The following SMG6 variants were observed in gnomAD, a reference collection of about 807,000 sequenced individuals.
The protein encoded by SMG6 is SMG6 nonsense mediated mRNA decay factor.
A neutral mutation model predicts 142.2 loss-of-function variants in SMG6; 66 were observed. The ratio of observed to expected loss-of-function variants is 0.46; its 90% confidence interval spans 0.38 to 0.57. The LOEUF is 0.57. SMG6 is among the 20% of genes least tolerant of loss of function. The probability of loss-of-function intolerance (pLI) is 0.00; values close to 1 mark genes in which losing one functional copy is unlikely to be tolerated. For missense variants in SMG6, 1,793 were observed against 1,832.0 expected, an observed-to-expected ratio of 0.98 and a Z score of 0.39; for synonymous variants, 779 against 702.4, an observed-to-expected ratio of 1.11 and a Z score of -1.72.
chr17:2,122,721 C>T (rs2069742351), intron 13 of SMG6, among the ~76,000 whole-genome samples: 2 of 152,214 alleles, frequency 1.3e-5, no homozygotes, highest in South Asian at 4.1e-4. Flanking sequence ...GCCCCATATA[C>T]TGGCTTAAAA....
At chr17:2,172,306 A>AG (rs1023353164) in intron 13 of SMG6, among the ~76,000 whole-genome samples, 2 of 139,830 alleles carry the variant, frequency 1.4e-5, no homozygotes, top group Admixed American at 1.4e-4. Context: ...TTTGTGGCGG[A>AG]GGGGGGCGGG....
intron 9 of SMG6, among the ~76,000 whole-genome samples, chr17:2,238,960 C>A (rs1007083658): frequency 6.6e-6 from 1 of 150,622 alleles, no homozygotes; most frequent in Non-Finnish European, 1.5e-5. Context: ...TCATGCAAAA[C>A]CAGCCTTGTT....
rs557303525 is a variant in SMG6, at chr17:2,238,730, T to C, written c.2724-2093A>G. 4.6e-4 allele frequency among the ~76,000 whole-genome samples: 70 copies of C among 152,274 alleles called. 1 individual carries two copies. Among genetic ancestry groups the C allele is most frequent in the Middle Eastern group, 3.4e-3 (1 of 294 alleles). ...GGAAGCCTCTTCCCTGGAGTAGGAA[T>C]TGGAAACAGATCCATTAACACTCTC... On this transcript the variant is annotated intron_variant, in intron 9 of 18. Coordinates refer to ENST00000263073, the MANE Select transcript of SMG6 (RefSeq NM_017575.5).
chr17:2,199,048 G>A (rs976838964), intron 10 of SMG6, among the ~76,000 whole-genome samples: 4 of 151,404 alleles, frequency 2.6e-5, no homozygotes, highest in Middle Eastern at 3.5e-3. Context: ...CGTCAAGGCC[G>A]TGAATCACTG....
chr17:2,244,377 G>C (rs543648899), intron 9 of SMG6, among the ~76,000 whole-genome samples: 1 of 152,320 alleles, frequency 6.6e-6, no homozygotes, highest in African/African-American at 2.4e-5. Context: ...AGAGGAAAGA[G>C]AAACCCAGAG....
At chr17:2,198,833 C>T (rs2072416731) in intron 10 of SMG6, among the ~76,000 whole-genome samples, 1 of 151,786 alleles carries the variant, frequency 6.6e-6, no homozygotes, top group Non-Finnish European at 1.5e-5. Context: ...GATGCTGGAG[C>T]CCCTTGTTCT....
chr17:2,260,329 C>T (rs934700139), intron 8 of SMG6, among the ~76,000 whole-genome samples: 1 of 152,180 alleles, frequency 6.6e-6, no homozygotes, highest in South Asian at 2.1e-4. Flanking sequence ...ACTTTCCCCC[C>T]CCACAGCCAG....
chr17:2,303,263 G>A, intron 1 of SMG6: 2 of 1,059,220 alleles, frequency 1.9e-6, no homozygotes. Context: ...CGCGGAGGGC[G>A]GCCTGGAGAG....
Position 2,186,824 on chromosome 17 carries a change from C to G in SMG6, c.2994G>C (p.Leu998=). ...GGTCATCCTGGTCCTCAGGAGAGGA[C>G]AGCTGAGCTGCAGAGGCAAAGGGTG... ...CLLKESAKAQ[L]SSPEDQDDQD... Residue 998 remains leucine, a synonymous_variant, in exon 12 of 19, where the codon CTG becomes CTC. Transcript: ENST00000263073. The G allele has an allele frequency of 6.2e-7, 1 of 1,614,070 alleles. No individual in the cohort carries two copies. The highest frequency in any genetic ancestry group is 1.1e-5 in the South Asian group (1 of 91,046).
chr17:2,122,710 G>A (rs761973355), intron 13 of SMG6, among the ~76,000 whole-genome samples: 2 of 152,130 alleles, frequency 1.3e-5, no homozygotes, highest in Non-Finnish European at 2.9e-5. Context: ...TCTGGACGTC[G>A]GCCCCATATA....
intron 13 of SMG6, among the ~76,000 whole-genome samples, chr17:2,107,586 T>C (rs540240623): frequency 9.9e-5 from 15 of 152,282 alleles, no homozygotes; most frequent in South Asian, 8.3e-4. Flanking sequence ...TGAGCCTCCA[T>C]AGGAAGGGCA....
At chr17:2,244,883 T>G in intron 8 of SMG6, 164 bp from the exon 9 acceptor site, 1 of 613,526 alleles carries the variant, frequency 1.6e-6, no homozygotes, top group East Asian at 2.8e-5. Context: ...CCAGGGCACA[T>G]GCCCAACAGC....
In SMG6 at chr17:2,061,611, G is replaced by A. The variant is rs373285460; in HGVS notation, c.4141C>T (p.Arg1381Trp). The A allele has an allele frequency of 5.1e-6, 8 of 1,572,042 alleles. No homozygotes were observed. Among genetic ancestry groups the A allele is most frequent in the Non-Finnish European group, 6.9e-6 (8 of 1,158,402 alleles). Reference sequence around the variant, plus strand: ...AACAGCACCACCTCCCGCAGTAGCCGGATTGGCTCCTCTGTGGGCATGAGA... The same window carrying A: ...AACAGCACCACCTCCCGCAGTAGCCAGATTGGCTCCTCTGTGGGCATGAGA... ...FMPASKEEPI[R>W]LLREVVLLTD... Residue 1381 changes from arginine (R) to tryptophan (W), a missense_variant, in exon 19 of 19, where the codon CGG (arginine) becomes TGG (tryptophan). Coordinates refer to ENST00000263073, the MANE Select transcript of SMG6 (RefSeq NM_017575.5).
rs771367104 is a variant in SMG6, at chr17:2,297,525, A to G, written c.2041-172T>C. On this transcript the variant is annotated intron_variant, in intron 3 of 18. Coordinates refer to ENST00000263073, the MANE Select transcript of SMG6 (RefSeq NM_017575.5). ...CAATTTGAGAACAAGGCAAATTCACAGTCAAAGCCTCCATGGTTTTAAAGA... is the reference window on the plus strand; with the variant it reads ...CAATTTGAGAACAAGGCAAATTCACGGTCAAAGCCTCCATGGTTTTAAAGA... Among the ~76,000 whole-genome samples, 12 of 152,232 alleles carry G rather than the reference A, an allele frequency of 7.9e-5. No homozygotes were observed. The South Asian group carries it at 1.0e-3, about 13-fold the overall frequency.
At chr17:2,128,014 T>A (rs1279002352) in intron 13 of SMG6, 3 of 461,830 alleles carry the variant, frequency 6.5e-6, no homozygotes, top group Non-Finnish European at 1.3e-5. Flanking sequence ...AAAGGAGAGC[T>A]TCCTACTCCC....
chr17:2,068,737 G>A lies in SMG6; in HGVS notation c.3835+41C>T, dbSNP rs1567569946. ...TGGGGCGTGTGTGGAGGGGGCTGCTGTGCACATGCAAGGCCGCTCTGCCCT... is the reference window on the plus strand; with the variant it reads ...TGGGGCGTGTGTGGAGGGGGCTGCTATGCACATGCAAGGCCGCTCTGCCCT... On this transcript the variant is annotated intron_variant, in intron 16 of 18. Coordinates refer to ENST00000263073, the MANE Select transcript of SMG6 (RefSeq NM_017575.5). This position sits in a 1 kb window ranked among gnomAD's most constrained non-coding sequence, Gnocchi z 6.7. 1.3e-6 allele frequency: 2 copies of A among 1,599,838 alleles called. No individual in the cohort carries two copies. Among genetic ancestry groups the A allele is most frequent in the Admixed American group, 1.7e-5 (1 of 59,256 alleles).
intron 13 of SMG6, among the ~76,000 whole-genome samples, chr17:2,123,789 T>C (rs1171507518): frequency 1.6e-4 from 25 of 152,174 alleles, no homozygotes; most frequent in Admixed American, 1.6e-3. Context: ...TTTGTGTATA[T>C]GTTTGTGCTC....
intron 10 of SMG6, among the ~76,000 whole-genome samples, chr17:2,196,372 G>T (rs2072326608): frequency 6.6e-6 from 1 of 152,206 alleles, no homozygotes; most frequent in Non-Finnish European, 1.5e-5. Context: ...AGGTTGCAGT[G>T]AGCCGAGAAT....
At chr17:2,252,017 C>T (rs1443200030) in intron 8 of SMG6, among the ~76,000 whole-genome samples, 2 of 152,084 alleles carry the variant, frequency 1.3e-5, no homozygotes, top group African/African-American at 4.8e-5. Flanking sequence ...AGGAGAATCG[C>T]TTGAACCAGG....
Sources: allele counts gnomAD v4.1 joint callset (sites outside exome capture counted in the v4.1 genomes callset), GRCh38; gene constraint gnomAD v4.1.1; non-coding constraint Gnocchi (gnomAD v3.1); transcripts MANE v1.5; gene names NCBI Gene and HGNC (gene_info 2026-07-23, HGNC 2026-07-21).